The following PSME4 variants were observed in gnomAD, a reference collection of about 807,000 sequenced individuals.
PSME4 encodes the protein proteasome activator complex subunit 4.
In PSME4, 89 loss-of-function variants were observed where a neutral mutation model predicts 253.9. That is an observed-to-expected ratio of 0.35 (90% CI 0.30 to 0.42). PSME4 has a LOEUF of 0.42. PSME4 is among the 10% of genes least tolerant of loss of function. The probability of loss-of-function intolerance (pLI) is 1.00; values close to 1 mark genes in which losing one functional copy is unlikely to be tolerated. For missense variants in PSME4, 2,014 were observed against 2,195.2 expected, an observed-to-expected ratio of 0.92 and a Z score of 1.65; for synonymous variants, 851 against 759.2, an observed-to-expected ratio of 1.12 and a Z score of -1.99.
At chr2:53,919,635 G>A (rs537106260) in intron 19 of PSME4, among the ~76,000 whole-genome samples, 7 of 152,280 alleles carry the variant, frequency 4.6e-5, no homozygotes, top group Admixed American at 4.6e-4. Flanking sequence ...GCAGTTCAGA[G>A]TACGACAGAG....
intron 1 of PSME4, among the ~76,000 whole-genome samples, chr2:53,955,946 A>G (rs1670218524): frequency 6.6e-6 from 1 of 152,122 alleles, no homozygotes; most frequent in Non-Finnish European, 1.5e-5. Flanking sequence ...AAAACAAAAA[A>G]AGAAAAAAGT....
chr2:53,935,840 C>G (rs1389762696), intron 7 of PSME4, among the ~76,000 whole-genome samples: 2 of 151,786 alleles, frequency 1.3e-5, no homozygotes, highest in African/African-American at 4.8e-5. Flanking sequence ...ATAGAAAAAA[C>G]GTTTCTCCTT....
rs543272035 is a variant in PSME4, at chr2:53,947,202, T to C, written c.500+1219A>G. Among the ~76,000 whole-genome samples the C allele has an allele frequency of 2.6e-5, 4 of 152,228 alleles. No individual in the cohort carries two copies. In the South Asian group the frequency reaches 8.3e-4, roughly 32 times the overall value. On this transcript the variant is annotated intron_variant, in intron 3 of 46. Transcript: ENST00000404125. The stretch of plus-strand genomic sequence containing the variant: ...TTTCACATTTGCCATCTGCACTCAT[T>C]TTCAAAAAATTCTATGGTAAGGGAC...
At chr2:53,909,569 T>A (rs1270905030) in intron 21 of PSME4, among the ~76,000 whole-genome samples, 2 of 152,196 alleles carry the variant, frequency 1.3e-5, no homozygotes, top group African/African-American at 4.8e-5. Flanking sequence ...TATACAATAA[T>A]TTTCCAGTTT....
At chr2:53,876,344 C>T (rs185331560) in intron 41 of PSME4, among the ~76,000 whole-genome samples, 74 of 152,184 alleles carry the variant, frequency 4.9e-4, no homozygotes, top group African/African-American at 1.6e-3. Context: ...TATAGTTTCC[C>T]CACTGTGGCC....
intron 36 of PSME4, among the ~76,000 whole-genome samples, chr2:53,892,278 C>T (rs1474592884): frequency 1.3e-5 from 2 of 152,110 alleles, no homozygotes; most frequent in Admixed American, 1.3e-4. Flanking sequence ...TATTTTTAGT[C>T]TCGTGTATTT....
At chr2:53,895,302 T>C (rs941982750) in intron 33 of PSME4, among the ~76,000 whole-genome samples, 3 of 152,184 alleles carry the variant, frequency 2.0e-5, no homozygotes, top group African/African-American at 7.2e-5. Context: ...CTGGGCTGGT[T>C]TAGGCATATG....
At position 53,970,804 on chromosome 2, in the gene PSME4, C is replaced by G; in HGVS notation, c.-20G>C. On this transcript the variant is annotated 5_prime_UTR_variant, in exon 1 of 47. Transcript: ENST00000404125. Reference sequence around the variant, plus strand: ...CTCCATGAGCCCAGGGACACCCCCCCCACCCCCTCCCACCCGAACCCTCCC... The same window carrying G: ...CTCCATGAGCCCAGGGACACCCCCCGCACCCCCTCCCACCCGAACCCTCCC... 1 of 1,487,648 alleles carries G rather than the reference C, an allele frequency of 6.7e-7. No homozygotes were observed. Among genetic ancestry groups the G allele is most frequent in the Non-Finnish European group, 8.9e-7 (1 of 1,117,792 alleles). The allele number at this position is 1,487,648 out of a possible 1,614,324, so 92.2% of individuals were successfully genotyped here.
intron 41 of PSME4, among the ~76,000 whole-genome samples, chr2:53,878,910 C>A (rs190287824): frequency 1.6e-4 from 25 of 152,234 alleles, no homozygotes; most frequent in Admixed American, 3.9e-4. Flanking sequence ...TTGGGAAGTA[C>A]GCGATCTCTG....
chr2:53,864,664 A>G lies in PSME4; in HGVS notation c.*914T>C, dbSNP rs1381921993. 1.3e-5 allele frequency: 2 copies of G among 152,640 alleles called. No individual in the cohort carries two copies. The highest frequency in any genetic ancestry group is 3.8e-4 in the East Asian group (2 of 5,200). 9.5% of individuals were successfully genotyped at this position (152,640 alleles called of 1,614,324 possible). On this transcript the variant is annotated 3_prime_UTR_variant, in exon 47 of 47. Transcript: ENST00000404125. ...CTCTTTTACATTTATATAACATATT[A>G]AACAAATCAATTAAATATTAAGCCT...
Position 53,908,581 on chromosome 2 carries a change from GA to G in PSME4, c.2630-17del. 6.3e-7 allele frequency: 1 copy of G among 1,577,334 alleles called. No homozygotes were observed. ...AGTATGTGGTCTATAATGGAAGAAA[GA>G]AAAGGATTTTGGTTAAAATATTTTG... On this transcript the variant is annotated splice_polypyrimidine_tract_variant and intron_variant, in intron 22 of 46. Coordinates refer to ENST00000404125, the MANE Select transcript of PSME4 (RefSeq NM_014614.3).
chr2:53,943,023 G>C (rs1387665637), intron 3 of PSME4, among the ~76,000 whole-genome samples: 1 of 152,140 alleles, frequency 6.6e-6, no homozygotes, highest in Non-Finnish European at 1.5e-5. Context: ...TTCGCCTCCA[G>C]TTACTGAGAC....
At chr2:53,970,398 G>T in intron 1 of PSME4, 145 bp downstream of exon 1, 1 of 1,381,448 alleles carries the variant, frequency 7.2e-7, no homozygotes, top group Non-Finnish European at 9.7e-7. Flanking sequence ...CACAGGCTCT[G>T]TCACGACCCT....
intron 26 of PSME4, among the ~76,000 whole-genome samples, chr2:53,906,383 T>G (rs1368599992): frequency 6.6e-6 from 1 of 152,352 alleles, no homozygotes; most frequent in East Asian, 1.9e-4. Context: ...TTGAAAGCTG[T>G]TTTCTATGCT....
intron 1 of PSME4, among the ~76,000 whole-genome samples, chr2:53,962,875 G>C (rs1670551766): frequency 6.6e-6 from 1 of 152,012 alleles, no homozygotes; most frequent in African/African-American, 2.4e-5. Flanking sequence ...GCCAGGCATG[G>C]TGGCTGCACC....
chr2:53,958,317 C>T (rs1049962812), intron 1 of PSME4, among the ~76,000 whole-genome samples: 1 of 151,820 alleles, frequency 6.6e-6, no homozygotes. Flanking sequence ...GATAGCACCG[C>T]TACACTCCAG....
chr2:53,911,628 T>C (rs17268102), intron 20 of PSME4, among the ~76,000 whole-genome samples: 2,999 of 151,898 alleles, frequency 0.02, 50 homozygotes, highest in Non-Finnish European at 0.026. Flanking sequence ...GTGCTTGCTA[T>C]GAGCCATCCT....
At chr2:53,882,598 C>G (rs1679442871) in intron 41 of PSME4, among the ~76,000 whole-genome samples, 1 of 152,150 alleles carries the variant, frequency 6.6e-6, no homozygotes, top group Non-Finnish European at 1.5e-5. Context: ...CTAATTAGTT[C>G]ATGGGCCATG....
chr2:53,887,816 CAAA>C (rs1219735675), intron 39 of PSME4, 39 bp downstream of exon 39: 3 of 1,511,602 alleles, frequency 2.0e-6, no homozygotes, highest in African/African-American at 1.4e-5. Context: ...AAAAAACAAA[CAAA>C]GAACTCGAGA....
Sources: gnomAD v4.1 joint callset for allele counts (sites outside exome capture counted in the v4.1 genomes callset) on GRCh38, gnomAD v4.1.1 for gene constraint, MANE v1.5 for transcripts, NCBI Gene and HGNC (gene_info 2026-07-23, HGNC 2026-07-21) for gene names.